TXNRD1: variants seen among roughly 807,000 people sequenced by gnomAD.
TXNRD1 encodes the protein thioredoxin reductase 1, also known as thioredoxin reductase 1, cytoplasmic.
TXNRD1 carries 57 observed loss-of-function variants against 80.3 expected under a neutral mutation model. The observed-to-expected ratio is 0.71, with a 90% CI of 0.57 to 0.89. The LOEUF is 0.89. Among genes scored for constraint, TXNRD1 ranks in the 40% least tolerant of loss-of-function variants. The probability of loss-of-function intolerance (pLI) is 0.00; values close to 1 mark genes in which losing one functional copy is unlikely to be tolerated. For missense variants in TXNRD1, 730 were observed against 803.0 expected (o/e 0.91, Z 1.10); for synonymous variants, 291 against 285.2 (o/e 1.02, Z -0.20).
Position 104,267,699 on chromosome 12 carries a change from T to TTC in TXNRD1, c.304+9626_304+9627dup, listed in dbSNP as rs1555209250. The stretch of plus-strand genomic sequence containing the variant: ...TTTCTTTCTTTCTTTCTTTCTTTCT[T>TTC]TCTCTCTTTCTTTCTTTCTTTCTCT... On this transcript the variant is annotated intron_variant, in intron 3 of 16. Transcript: ENST00000525566. Among the ~76,000 whole-genome samples the TTC allele has an allele frequency of 2.3e-3, 109 of 46,420 alleles. 3 individuals carry two copies. The highest frequency in any genetic ancestry group is 4.8e-3 in the Admixed American group (19 of 3,932). 30.5% of individuals were successfully genotyped at this position (46,420 alleles called of 152,430 possible).
chr12:104,294,978 G>A (rs1593772571), intron 4 of TXNRD1, among the ~76,000 whole-genome samples: 1 of 152,182 alleles, frequency 6.6e-6, no homozygotes, highest in Admixed American at 6.5e-5. Context: ...GGAGGCATTA[G>A]TAATGTATCT....
At chr12:104,299,571 A>G (rs1024409210) in intron 4 of TXNRD1, among the ~76,000 whole-genome samples, 5 of 152,150 alleles carry the variant, frequency 3.3e-5, no homozygotes, top group African/African-American at 1.2e-4. Flanking sequence ...GTTCGAGACC[A>G]GCCTGGTCAA....
chr12:104,326,268 TA>T, intron 11 of TXNRD1, 78 bp from the exon 12 acceptor site: 1 of 957,132 alleles, frequency 1.0e-6, no homozygotes, highest in Non-Finnish European at 1.6e-6. Flanking sequence ...ATTAGCTTAA[TA>T]AGCAGAGAAA....
chr12:104,289,559 C>T (rs146442862), intron 4 of TXNRD1: 1,683 of 153,168 alleles, frequency 0.011, 8 homozygotes, highest in Middle Eastern at 0.027. Context: ...CTTTTTAGCC[C>T]AGAGTTAATA....
Position 104,237,910 on chromosome 12 carries a change from C to T in TXNRD1, c.92-13617C>T, listed in dbSNP as rs573561362. On this transcript the variant is annotated intron_variant, in intron 1 of 16. Coordinates refer to ENST00000525566, the MANE Select transcript of TXNRD1 (RefSeq NM_001093771.3). ...CCTGTAGTCCCGGCTACTCGGGAGG[C>T]TGAGGCAGAAGAATCGCTTGAACCC... 5.1e-4 allele frequency among the ~76,000 whole-genome samples: 78 copies of T among 152,020 alleles called. 1 individual carries two copies. The highest frequency in any genetic ancestry group is 1.8e-3 in the African/African-American group (75 of 41,456).
intron 3 of TXNRD1, among the ~76,000 whole-genome samples, chr12:104,286,461 C>A (rs1341698259): frequency 1.3e-5 from 2 of 152,180 alleles, no homozygotes; most frequent in African/African-American, 4.8e-5. Flanking sequence ...CAGGATTAGT[C>A]AGGATGAACT....
intron 1 of TXNRD1, among the ~76,000 whole-genome samples, chr12:104,244,801 G>A (rs1166749190): frequency 6.6e-6 from 1 of 152,182 alleles, no homozygotes; most frequent in Non-Finnish European, 1.5e-5. Context: ...GGTAATAATT[G>A]GATAAAAAGA....
rs533221529 is a variant in TXNRD1, at chr12:104,320,934, A to G, written c.990-157A>G. On this transcript the variant is annotated intron_variant, in intron 9 of 16. Coordinates refer to ENST00000525566, the MANE Select transcript of TXNRD1 (RefSeq NM_001093771.3). ...TGGCAAGAAAGGGTATCTAAGAATT[A>G]TAAAAACTTCTCATGTATTATGTGT... Among the ~76,000 whole-genome samples the G allele has an allele frequency of 3.9e-5, 6 of 152,358 alleles. No homozygotes were observed. The East Asian group carries it at 1.2e-3, about 29-fold the overall frequency.
chr12:104,342,841 G>A (rs149160409), intron 16 of TXNRD1, among the ~76,000 whole-genome samples: 1 of 152,138 alleles, frequency 6.6e-6, no homozygotes, highest in African/African-American at 2.4e-5. Context: ...CCGTGGAAGC[G>A]GGACTGAGCG....
rs187733583 is a variant in TXNRD1, at chr12:104,230,916, G to A, written c.91+15023G>A. On this transcript the variant is annotated intron_variant, in intron 1 of 16. Coordinates refer to ENST00000525566, the MANE Select transcript of TXNRD1 (RefSeq NM_001093771.3). ...GCCTTTTAATATGCAAATGCAGGGC[G>A]CCATGATGTTTTACACACGTGAGGA... Among the ~76,000 whole-genome samples the A allele has an allele frequency of 4.6e-5, 7 of 152,200 alleles. 1 individual carries two copies. The highest frequency in any genetic ancestry group is 4.1e-4 in the South Asian group (2 of 4,822).
intron 3 of TXNRD1, among the ~76,000 whole-genome samples, chr12:104,267,789 TC>T (rs1193989409): frequency 1.9e-3 from 267 of 143,078 alleles, no homozygotes; most frequent in Middle Eastern, 6.9e-3. Flanking sequence ...CTTCCCTCCT[TC>T]CTTCCTTCTT....
intron 3 of TXNRD1, among the ~76,000 whole-genome samples, chr12:104,269,886 A>ATT (rs960629705): frequency 6.6e-6 from 1 of 151,418 alleles, no homozygotes; most frequent in Admixed American, 6.6e-5. Context: ...CTAATTTTTA[A>ATT]TTTTTTTTGT....
intron 1 of TXNRD1, among the ~76,000 whole-genome samples, chr12:104,219,344 A>C (rs2032294579): frequency 6.6e-6 from 1 of 152,216 alleles, no homozygotes; most frequent in Non-Finnish European, 1.5e-5. Context: ...AATTAAAATT[A>C]TGTGGTTAAG....
chr12:104,253,001 C>A (rs866278072), intron 2 of TXNRD1, among the ~76,000 whole-genome samples: 1 of 151,850 alleles, frequency 6.6e-6, no homozygotes, highest in Non-Finnish European at 1.5e-5. Flanking sequence ...CGCGCCCGGC[C>A]GATTTTATTA....
chr12:104,263,475 G>C (rs1165187138), intron 3 of TXNRD1, among the ~76,000 whole-genome samples: 1 of 152,048 alleles, frequency 6.6e-6, no homozygotes, highest in African/African-American at 2.4e-5. Context: ...TGGTGGCAGA[G>C]GTTGTACAAT....
intron 3 of TXNRD1, chr12:104,287,347 G>A (rs2034006148): frequency 6.2e-7 from 1 of 1,613,938 alleles, no homozygotes; most frequent in African/African-American, 1.3e-5. Context: ...ATGTCATGTG[G>A]TAGGTGAGGC....
intron 15 of TXNRD1, among the ~76,000 whole-genome samples, chr12:104,337,766 A>T (rs569692991): frequency 1.3e-5 from 2 of 151,968 alleles, no homozygotes; most frequent in Non-Finnish European, 2.9e-5. Flanking sequence ...AACCTTATTT[A>T]AAATTACTTT....
At chr12:104,302,303 C>T (rs1184847784) in intron 4 of TXNRD1, among the ~76,000 whole-genome samples, 1 of 151,850 alleles carries the variant, frequency 6.6e-6, no homozygotes, top group Non-Finnish European at 1.5e-5. Flanking sequence ...TAGAACAAGT[C>T]TATATGCATA....
At chr12:104,295,538 T>G (rs960751408) in intron 4 of TXNRD1, among the ~76,000 whole-genome samples, 5 of 152,226 alleles carry the variant, frequency 3.3e-5, no homozygotes, top group Non-Finnish European at 7.3e-5. Flanking sequence ...CCTGCTTTTC[T>G]GGTTATCTCC....
Sources: gnomAD v4.1 joint callset for allele counts (sites outside exome capture counted in the v4.1 genomes callset) on GRCh38, gnomAD v4.1.1 for gene constraint, MANE v1.5 for transcripts, NCBI Gene and HGNC (gene_info 2026-07-23, HGNC 2026-07-21) for gene names.